The following SCIMP variants were observed in gnomAD, a reference collection of about 807,000 sequenced individuals.
The protein encoded by SCIMP is SLP adapter and CSK-interacting membrane protein.
SCIMP carries 18 observed loss-of-function variants against 22.0 expected under a neutral mutation model. That is an observed-to-expected ratio of 0.82 (90% CI 0.56 to 1.21). SCIMP has a LOEUF of 1.21. Among genes scored for constraint, SCIMP ranks in the 50% most tolerant of loss-of-function variants. The probability of loss-of-function intolerance (pLI) is 0.00; values close to 1 mark genes in which losing one functional copy is unlikely to be tolerated. For synonymous variants in SCIMP, 53 were observed against 62.2 expected (o/e 0.85, Z 0.70); for missense variants, 155 against 171.2 (o/e 0.91, Z 0.53).
chr17:5,218,884 G>A (rs1267579655), intron 3 of SCIMP, among the ~76,000 whole-genome samples: 1 of 152,126 alleles, frequency 6.6e-6, no homozygotes, highest in Non-Finnish European at 1.5e-5. Flanking sequence ...TTGGCAAAGT[G>A]CTGAGATTAC....
intron 1 of SCIMP, among the ~76,000 whole-genome samples, chr17:5,228,767 T>C (rs1001173154): frequency 3.3e-5 from 5 of 152,182 alleles, no homozygotes; most frequent in Admixed American, 3.3e-4. Flanking sequence ...CCCACACTGA[T>C]GGGCAAGCAG....
At chr17:5,219,052 G>T (rs1186739305) in intron 3 of SCIMP, among the ~76,000 whole-genome samples, 2 of 152,188 alleles carry the variant, frequency 1.3e-5, no homozygotes, top group Non-Finnish European at 2.9e-5. Flanking sequence ...GGGCGTGGTG[G>T]CTCACGCCTG....
intron 1 of SCIMP, among the ~76,000 whole-genome samples, chr17:5,226,457 A>G (rs2074649116): frequency 6.6e-6 from 1 of 151,980 alleles, no homozygotes; most frequent in Admixed American, 6.6e-5. Flanking sequence ...TTGTTCTTAC[A>G]AGTGAAATGG....
intron 1 of SCIMP, among the ~76,000 whole-genome samples, chr17:5,233,128 G>A (rs531324456): frequency 6.6e-6 from 1 of 152,238 alleles, no homozygotes; most frequent in South Asian, 2.1e-4. Context: ...AAGGAGTCCA[G>A]CCTCTCTTCT....
At chr17:5,223,233 C>A in intron 2 of SCIMP, 100 bp downstream of exon 2, 1 of 1,307,628 alleles carries the variant, frequency 7.6e-7, no homozygotes, top group South Asian at 1.3e-5. Context: ...AAATTCAGCT[C>A]ATTCAGGCCC....
intron 1 of SCIMP, among the ~76,000 whole-genome samples, chr17:5,230,371 C>T (rs1328545718): frequency 6.6e-6 from 1 of 152,180 alleles, no homozygotes; most frequent in Non-Finnish European, 1.5e-5. Context: ...TGCAGAGGAT[C>T]TGCAGATCTG....
chr17:5,225,586 C>T (rs1399510861), intron 1 of SCIMP, among the ~76,000 whole-genome samples: 2 of 151,842 alleles, frequency 1.3e-5, no homozygotes, highest in African/African-American at 4.8e-5. Context: ...CATGGTGAAA[C>T]CCCTTCTCTA....
Position 5,214,951 on chromosome 17 carries a change from C to T in SCIMP, c.257G>A (p.Arg86Lys). ...SPVQLPPLPPRNWPSLEDSSP... is the reference protein window; with the variant it reads ...SPVQLPPLPPKNWPSLEDSSP... ...AGAGTCTTCTAGAGAAGGCCAATTCCTCGGTGGCAGAGGCGGTAATTGAAC... is the reference window on the plus strand; with the variant it reads ...AGAGTCTTCTAGAGAAGGCCAATTCTTCGGTGGCAGAGGCGGTAATTGAAC... The change falls in exon 4 of 5, where the codon AGG becomes AAG. Residue 86 changes from arginine to lysine, a missense_variant. Arg to Lys is a conservative substitution (Grantham distance 26). Coordinates refer to ENST00000574081, the MANE Select transcript of SCIMP (RefSeq NM_207103.3). The T allele has an allele frequency of 1.2e-6, 2 of 1,608,590 alleles. No homozygotes were observed. The highest frequency in any genetic ancestry group is 1.7e-6 in the Non-Finnish European group (2 of 1,175,482).
chr17:5,227,858 T>C (rs1432141349), intron 1 of SCIMP, among the ~76,000 whole-genome samples: 1 of 101,716 alleles, frequency 9.8e-6, no homozygotes, highest in Non-Finnish European at 2.7e-5. Flanking sequence ...CGTGAAGGGA[T>C]GTCACTACCC....
At chr17:5,213,184 A>G in intron 4 of SCIMP, 1 of 984,764 alleles carries the variant, frequency 1.0e-6, no homozygotes, top group Non-Finnish European at 1.2e-6. Flanking sequence ...TGGGATTTGA[A>G]CATGAATTTA....
rs562443639 is a variant in SCIMP at position 5,214,954 on chromosome 17, G to C, written c.254C>G (p.Pro85Arg). The C allele has an allele frequency of 1.9e-5, 31 of 1,609,490 alleles. No individual in the cohort carries two copies. Among genetic ancestry groups the C allele is most frequent in the Non-Finnish European group, 2.6e-5 (31 of 1,176,108 alleles). ...ESPVQLPPLP[P>R]RNWPSLEDSS... ...GTCTTCTAGAGAAGGCCAATTCCTC[G>C]GTGGCAGAGGCGGTAATTGAACTGG... The change falls in exon 4 of 5, where the codon CCG becomes CGG. Residue 85 changes from proline to arginine, a missense_variant. Transcript: ENST00000574081.
intron 1 of SCIMP, among the ~76,000 whole-genome samples, chr17:5,225,631 G>A (rs1471836039): frequency 6.6e-6 from 1 of 151,740 alleles, no homozygotes; most frequent in Non-Finnish European, 1.5e-5. Flanking sequence ...GCATGGTGGT[G>A]CACGCCTGTA....
At position 5,209,984 on chromosome 17, in the gene SCIMP, T is replaced by C. The variant is rs752831367; in HGVS notation, c.*817A>G. ...GCCATTGTTACATGCCCCTTTTCTT[T>C]CCTGTTCCCCATGATTTGTCCTGGG... On this transcript the variant is annotated 3_prime_UTR_variant, in exon 5 of 5. Coordinates refer to ENST00000574081, the MANE Select transcript of SCIMP (RefSeq NM_207103.3). 5.3e-5 allele frequency: 8 copies of C among 152,200 alleles called. No homozygotes were observed. Among genetic ancestry groups the C allele is most frequent in the Non-Finnish European group, 7.3e-5 (5 of 68,054 alleles). The allele number at this position is 152,200 out of a possible 1,614,324, so 9.4% of individuals were successfully genotyped here.
chr17:5,217,185 G>A (rs2074571230), intron 3 of SCIMP, among the ~76,000 whole-genome samples: 3 of 152,096 alleles, frequency 2.0e-5, no homozygotes, highest in Admixed American at 2.0e-4. Context: ...GAGCTGGCCT[G>A]ACTGCAGAAT....
chr17:5,220,907 A>T, intron 3 of SCIMP: 1 of 344,814 alleles, frequency 2.9e-6, no homozygotes, highest in South Asian at 2.3e-5. Flanking sequence ...AAAATACAAA[A>T]ATTAGGCAGG....
chr17:5,223,368 A>G lies in SCIMP; in HGVS notation c.110T>C (p.Ile37Thr). Residue 37 changes from isoleucine to threonine, a missense_variant, in exon 2 of 5, where the codon ATC becomes ACC. Transcript: ENST00000574081. ...IIVVSVGLGL[I>T]LYCVCKWQLR... The stretch of plus-strand genomic sequence containing the variant: ...CTGCCACTTACAGACACAGTACAGG[A>G]TGAGGCCCAGACCCACAGAGACAAC... 6.2e-7 allele frequency: 1 copy of G among 1,613,940 alleles called. No individual in the cohort carries two copies. The highest frequency in any genetic ancestry group is 8.5e-7 in the Non-Finnish European group (1 of 1,179,954).
chr17:5,226,927 T>G (rs1290627765), intron 1 of SCIMP, among the ~76,000 whole-genome samples: 1 of 151,822 alleles, frequency 6.6e-6, no homozygotes, highest in South Asian at 2.1e-4. Flanking sequence ...ACCAGGCTGG[T>G]TTAATGGCCA....
At chr17:5,216,815 A>G (rs1371783892) in intron 3 of SCIMP, among the ~76,000 whole-genome samples, 2 of 152,196 alleles carry the variant, frequency 1.3e-5, no homozygotes, top group African/African-American at 4.8e-5. Context: ...TCTGGGTGCC[A>G]GTGACCTGGG....
intron 1 of SCIMP, among the ~76,000 whole-genome samples, chr17:5,231,214 G>T (rs1256525431): frequency 6.6e-6 from 1 of 152,022 alleles, no homozygotes; most frequent in Non-Finnish European, 1.5e-5. Context: ...ACAGAAATTA[G>T]CCTGGTGTGG....
Sources: gnomAD v4.1 joint callset for allele counts (sites outside exome capture counted in the v4.1 genomes callset) on GRCh38, gnomAD v4.1.1 for gene constraint, MANE v1.5 for transcripts, NCBI Gene and HGNC (gene_info 2026-07-23, HGNC 2026-07-21) for gene names.